USP49: variants seen among roughly 807,000 people sequenced by gnomAD.
The protein encoded by USP49 is ubiquitin carboxyl-terminal hydrolase 49.
In USP49, 24 loss-of-function variants were observed where a neutral mutation model predicts 58.6. The observed-to-expected ratio is 0.41, with a 90% confidence interval of 0.30 to 0.58. The LOEUF (loss-of-function observed/expected upper bound fraction) is 0.58, where lower values mean the gene tolerates loss of function less well. Among genes scored for constraint, USP49 ranks in the 20% least tolerant of loss-of-function variants. USP49 has a pLI of 0.30. For synonymous variants in USP49, 408 were observed against 365.1 expected (o/e 1.12, Z -1.34); for missense variants, 703 against 866.1 (o/e 0.81, Z 2.36).
chr6:41,835,159 T>C (rs1014227404), intron 3 of USP49, among the ~76,000 whole-genome samples: 1 of 152,194 alleles, frequency 6.6e-6, no homozygotes, highest in African/African-American at 2.4e-5. Context: ...TGTCTTATAT[T>C]TGCTTGGTAT....
intron 2 of USP49, among the ~76,000 whole-genome samples, chr6:41,876,128 AT>A (rs1038657919): frequency 2.6e-5 from 4 of 152,186 alleles, no homozygotes; most frequent in African/African-American, 9.7e-5. Flanking sequence ...AGCAAAACAT[AT>A]TGTTATGTCA....
At chr6:41,872,793 C>A (rs1425672972) in intron 2 of USP49, 2 of 150,526 alleles carry the variant, frequency 1.3e-5, no homozygotes, top group African/African-American at 4.9e-5. Flanking sequence ...GTAGTCCCAG[C>A]TACTCAGGAG....
At chr6:41,800,818 C>T (rs1772984374) in intron 5 of USP49, among the ~76,000 whole-genome samples, 2 of 152,208 alleles carry the variant, frequency 1.3e-5, no homozygotes, top group Non-Finnish European at 2.9e-5. Flanking sequence ...TTGCTTATGG[C>T]ATATTCAAAC....
Position 41,819,717 on chromosome 6 carries a change from C to G in USP49, c.-28-12706G>C, listed in dbSNP as rs116344152. ...AATAGATGGATAAGGTTGACAATAC[C>G]TAACTCTACTGATCAATTTTGCATG... On this transcript the variant is annotated intron_variant, in intron 3 of 7. Coordinates refer to ENST00000682992, the MANE Select transcript of USP49 (RefSeq NM_001286554.2). Among the ~76,000 whole-genome samples, 543 of 152,188 alleles carry G rather than the reference C, an allele frequency of 3.6e-3. 4 individuals carry two copies. Among genetic ancestry groups the G allele is most frequent in the African/African-American group, 0.012 (517 of 41,516 alleles).
chr6:41,815,389 C>A (rs1773331096), intron 3 of USP49, among the ~76,000 whole-genome samples: 1 of 151,558 alleles, frequency 6.6e-6, no homozygotes, highest in African/African-American at 2.4e-5. Flanking sequence ...CCACTGCACT[C>A]CAGCCTGGGC....
chr6:41,814,650 A>G lies in USP49; in HGVS notation c.-28-7639T>C, dbSNP rs548619765. On this transcript the variant is annotated intron_variant, in intron 3 of 7. Transcript: ENST00000682992. ...AGAAAAACAAAATAGGGGGAAAAAAAGAGGGTAAATCTACTTTAGAGAGAA... is the reference window on the plus strand; with the variant it reads ...AGAAAAACAAAATAGGGGGAAAAAAGGAGGGTAAATCTACTTTAGAGAGAA... Among the ~76,000 whole-genome samples, 238 of 113,264 alleles carry G rather than the reference A, an allele frequency of 2.1e-3. 5 individuals carry two copies. The highest frequency in any genetic ancestry group is 2.1e-3 in the South Asian group (7 of 3,290). The allele number at this position is 113,264 out of a possible 152,430, so 74.3% of individuals were successfully genotyped here.
chr6:41,891,008 T>C (rs1582042968), intron 2 of USP49, among the ~76,000 whole-genome samples: 1 of 152,244 alleles, frequency 6.6e-6, no homozygotes, highest in Non-Finnish European at 1.5e-5. Flanking sequence ...TGCAACAACC[T>C]TGATGTAATC....
At chr6:41,802,547 G>T (rs1355666422) in intron 5 of USP49, among the ~76,000 whole-genome samples, 1 of 146,662 alleles carries the variant, frequency 6.8e-6, no homozygotes, top group African/African-American at 2.5e-5. Context: ...CCACCTTGGG[G>T]TCTCCCAAAG....
chr6:41,802,428 T>TTTTATTTTATTTTATTTA (rs10688447), intron 5 of USP49, among the ~76,000 whole-genome samples: 176 of 106,428 alleles, frequency 1.7e-3, no homozygotes, highest in East Asian at 3.1e-3. Context: ...TTTTATTTTA[T>TTTTATTTTATTTTATTTA]TTTATTTATT....
chr6:41,866,322 C>T (rs1194947943), intron 3 of USP49, among the ~76,000 whole-genome samples: 2 of 152,116 alleles, frequency 1.3e-5, no homozygotes. Context: ...CTCTGAGATT[C>T]CCCTAAAGAG....
intron 3 of USP49, among the ~76,000 whole-genome samples, chr6:41,839,720 T>G (rs549060385): frequency 6.6e-6 from 1 of 152,170 alleles, no homozygotes; most frequent in African/African-American, 2.4e-5. Context: ...TGGAGACGAT[T>G]ACTCTAAGTG....
intron 3 of USP49, among the ~76,000 whole-genome samples, chr6:41,858,155 C>T (rs1480763082): frequency 6.6e-6 from 1 of 152,128 alleles, no homozygotes; most frequent in Non-Finnish European, 1.5e-5. Flanking sequence ...TGAACAAAGT[C>T]TGTCCCTAAT....
intron 2 of USP49, among the ~76,000 whole-genome samples, chr6:41,885,281 C>T (rs1396486183): frequency 6.6e-6 from 1 of 152,120 alleles, no homozygotes; most frequent in Non-Finnish European, 1.5e-5. Context: ...CATGTCTATT[C>T]CATATTCCCT....
intron 1 of USP49, among the ~76,000 whole-genome samples, chr6:41,892,381 C>T (rs895778303): frequency 6.6e-6 from 1 of 152,218 alleles, no homozygotes; most frequent in Non-Finnish European, 1.5e-5. Context: ...GCACACACAT[C>T]TCACTGAAAC....
intron 3 of USP49, among the ~76,000 whole-genome samples, chr6:41,861,537 A>G (rs1467364135): frequency 1.3e-5 from 2 of 152,182 alleles, no homozygotes; most frequent in Non-Finnish European, 2.9e-5. Flanking sequence ...GCTTCCCTAG[A>G]GGTAACTACT....
chr6:41,825,543 T>C (rs1334653113), intron 3 of USP49, among the ~76,000 whole-genome samples: 1 of 152,216 alleles, frequency 6.6e-6, no homozygotes, highest in Non-Finnish European at 1.5e-5. Context: ...TGCTGAACAC[T>C]GTACATACCC....
At chr6:41,858,912 CAG>C (rs918677257) in intron 3 of USP49, among the ~76,000 whole-genome samples, 1 of 152,132 alleles carries the variant, frequency 6.6e-6, no homozygotes, top group Admixed American at 6.6e-5. Context: ...TCCATGAGGG[CAG>C]AGAGTTCTAT....
rs1772775235 is a variant in USP49 at position 41,790,368 on chromosome 6, C to G, written c.*6165G>C. On this transcript the variant is annotated 3_prime_UTR_variant, in exon 8 of 8. Coordinates refer to ENST00000682992, the MANE Select transcript of USP49 (RefSeq NM_001286554.2). ...GGAAATGTTTTGTGACCCTAAAATT[C>G]ATGGTAGTGCTACTGTCCAGGGTTT... 6.6e-6 allele frequency: 1 copy of G among 152,172 alleles called. No individual in the cohort carries two copies. The highest frequency in any genetic ancestry group is 1.5e-5 in the Non-Finnish European group (1 of 68,044). The allele number at this position is 152,172 out of a possible 1,614,324, so 9.4% of individuals were successfully genotyped here. A position where few individuals can be genotyped will look rare whatever the true frequency, so the allele number is the denominator to read the frequency against.
At chr6:41,815,498 G>A (rs913729998) in intron 3 of USP49, among the ~76,000 whole-genome samples, 10 of 152,078 alleles carry the variant, frequency 6.6e-5, no homozygotes, top group Non-Finnish European at 1.0e-4. Context: ...TTTGCTAAGG[G>A]ACAGTGGGTG....
Sources: allele counts gnomAD v4.1 joint callset (sites outside exome capture counted in the v4.1 genomes callset), GRCh38; gene constraint gnomAD v4.1.1; transcripts MANE v1.5; gene names NCBI Gene and HGNC (gene_info 2026-07-23, HGNC 2026-07-21).